PRKN: variants seen among roughly 807,000 people sequenced by gnomAD.
PRKN encodes the protein parkin RBR E3 ubiquitin protein ligase.
PRKN carries 56 observed loss-of-function variants against 59.5 expected under a neutral mutation model. That is an observed-to-expected ratio of 0.94 (90% CI 0.76 to 1.18). The LOEUF (loss-of-function observed/expected upper bound fraction) is 1.18. PRKN is among the 50% of genes most tolerant of loss of function. The pLI, the probability that PRKN is intolerant of heterozygous loss-of-function variation, is 0.00. For missense variants in PRKN, 657 were observed against 596.4 expected, an observed-to-expected ratio of 1.10 and a Z score of -1.06; for synonymous variants, 250 against 222.1, an observed-to-expected ratio of 1.13 and a Z score of -1.12.
At chr6:162,359,079 A>AAAAAAAAAAAAAT (rs57265104) in intron 2 of PRKN, among the ~76,000 whole-genome samples, 1 of 83,274 alleles carries the variant, frequency 1.2e-5, no homozygotes, top group African/African-American at 7.3e-5. Flanking sequence ...AAAAAAAAAA[A>AAAAAAAAAAAAAT]ATATATATAT....
intron 2 of PRKN, among the ~76,000 whole-genome samples, chr6:162,385,772 A>G (rs1341668898): frequency 1.3e-5 from 2 of 152,052 alleles, no homozygotes; most frequent in African/African-American, 4.8e-5. Flanking sequence ...TTTCTTTGGG[A>G]AAATAAAAAT....
chr6:162,075,866 C>T (rs928891551), intron 4 of PRKN, among the ~76,000 whole-genome samples: 6 of 151,962 alleles, frequency 3.9e-5, no homozygotes, highest in African/African-American at 9.7e-5. Flanking sequence ...GTACATTTAT[C>T]CCCATCTTTT....
intron 2 of PRKN, among the ~76,000 whole-genome samples, chr6:162,392,730 G>A (rs1282654363): frequency 1.3e-5 from 2 of 152,100 alleles, no homozygotes; most frequent in East Asian, 1.9e-4. Flanking sequence ...ATGCCATACT[G>A]TAAGCTCCTT....
chr6:162,411,484 A>G (rs2128154838), intron 2 of PRKN, among the ~76,000 whole-genome samples: 1 of 152,312 alleles, frequency 6.6e-6, no homozygotes, highest in Middle Eastern at 3.4e-3. Context: ...GGACTGTAAT[A>G]CTGTTGGAGA....
At position 162,509,829 on chromosome 6, in the gene PRKN, C is replaced by T. The variant is rs79170304; in HGVS notation, c.8-66356G>A. On this transcript the variant is annotated intron_variant, in intron 1 of 11. Coordinates refer to ENST00000366898, the MANE Select transcript of PRKN (RefSeq NM_004562.3). The stretch of plus-strand genomic sequence containing the variant: ...TTATTCTGAATTTGAAAGGCAATTC[C>T]CACTCCTGCTGGAAGCTAGCTGAGG... Among the ~76,000 whole-genome samples the T allele has an allele frequency of 5.5e-3, 840 of 152,146 alleles. 7 individuals are homozygous for T. Among genetic ancestry groups the T allele is most frequent in the Non-Finnish European group, 0.01 (695 of 67,996 alleles).
chr6:162,447,322 T>A (rs1306210122), intron 1 of PRKN, among the ~76,000 whole-genome samples: 1 of 152,158 alleles, frequency 6.6e-6, no homozygotes, highest in Non-Finnish European at 1.5e-5. Context: ...GACAGAAAAC[T>A]TCCAGAGACC....
rs1441615725 is a variant in PRKN at position 161,442,066 on chromosome 6, T to A, written c.1084-55189A>T. Among the ~76,000 whole-genome samples, 1 of 152,222 alleles carries A rather than the reference T, an allele frequency of 6.6e-6. No homozygotes were observed. The highest frequency in any genetic ancestry group is 1.5e-5 in the Non-Finnish European group (1 of 68,050). On this transcript the variant is annotated intron_variant, in intron 9 of 11. Transcript: ENST00000366898. This position sits in a 1 kb window ranked among gnomAD's most constrained non-coding sequence, Gnocchi z 4.6. ...GATGAAATACTGTTCAGTGGGCTAA[T>A]GCAGCCACACGAGTGAGTTTTATTT... is the stretch of plus-strand genomic sequence containing the variant.
intron 2 of PRKN, among the ~76,000 whole-genome samples, chr6:162,359,249 G>A (rs1458795563): frequency 6.6e-6 from 1 of 151,746 alleles, no homozygotes; most frequent in Non-Finnish European, 1.5e-5. Context: ...GTGACTGATT[G>A]AATAAATTAA....
At chr6:162,638,848 G>A (rs897484962) in intron 1 of PRKN, among the ~76,000 whole-genome samples, 1 of 146,184 alleles carries the variant, frequency 6.8e-6, no homozygotes, top group Non-Finnish European at 1.5e-5. Flanking sequence ...GGGTTCAAGC[G>A]ATTCTCCTGC....
intron 9 of PRKN, among the ~76,000 whole-genome samples, chr6:161,517,737 C>A (rs1389261440): frequency 2.0e-4 from 1 of 5,076 alleles, no homozygotes; most frequent in African/African-American, 7.1e-4. Flanking sequence ...GAGACTCTAT[C>A]TCAAAAAAAA....
intron 4 of PRKN, among the ~76,000 whole-genome samples, chr6:162,105,613 G>T (rs6921072): frequency 0.79 from 120,211 of 152,092 alleles, 47,852 homozygotes; most frequent in African/African-American, 0.88. Flanking sequence ...TTGGCCAGGC[G>T]GGTCTCAAAC....
intron 2 of PRKN, among the ~76,000 whole-genome samples, chr6:162,325,459 T>G (rs1783227258): frequency 6.6e-6 from 1 of 152,102 alleles, no homozygotes; most frequent in Admixed American, 6.6e-5. Flanking sequence ...TGACCTAACC[T>G]CAAAGGATTG....
At chr6:162,433,999 CTGAG>C (rs1297836142) in intron 2 of PRKN, among the ~76,000 whole-genome samples, 2 of 152,106 alleles carry the variant, frequency 1.3e-5, no homozygotes, top group African/African-American at 4.8e-5. Context: ...TAAATCTTAT[CTGAG>C]TGACACCTCT....
intron 7 of PRKN, among the ~76,000 whole-genome samples, chr6:161,573,792 AT>A (rs2128135953): frequency 1.8e-5 from 2 of 111,088 alleles, no homozygotes; most frequent in African/African-American, 3.5e-5. Flanking sequence ...ATATATATAT[AT>A]ATAAAACTTC....
At chr6:162,420,076 T>A (rs1973884) in intron 2 of PRKN, among the ~76,000 whole-genome samples, 78,068 of 151,658 alleles carry the variant, frequency 0.51, 20,474 homozygotes, top group East Asian at 0.69. Flanking sequence ...TTATTTGTAC[T>A]TTGTAATATA....
intron 1 of PRKN, among the ~76,000 whole-genome samples, chr6:162,567,494 T>C (rs758403730): frequency 6.6e-6 from 1 of 151,908 alleles, no homozygotes; most frequent in Non-Finnish European, 1.5e-5. Flanking sequence ...GTGAAATAAA[T>C]AAAAGAAATT....
At chr6:162,080,756 T>G (rs1779024075) in intron 4 of PRKN, among the ~76,000 whole-genome samples, 1 of 152,064 alleles carries the variant, frequency 6.6e-6, no homozygotes, top group Admixed American at 6.5e-5. Context: ...AAGACAACAA[T>G]GAAGTTTGCC....
chr6:162,353,474 G>A (rs1203463830), intron 2 of PRKN, among the ~76,000 whole-genome samples: 1 of 151,808 alleles, frequency 6.6e-6, no homozygotes, highest in Non-Finnish European at 1.5e-5. Context: ...ATGCTAAAAT[G>A]TTAAATTTTA....
intron 5 of PRKN, among the ~76,000 whole-genome samples, chr6:162,051,807 C>G (rs1204415470): frequency 6.6e-6 from 1 of 152,194 alleles, no homozygotes; most frequent in Non-Finnish European, 1.5e-5. Flanking sequence ...CAAATCCAGA[C>G]TGTCCTGTGC....
Sources: allele counts gnomAD v4.1 joint callset (sites outside exome capture counted in the v4.1 genomes callset), GRCh38; gene constraint gnomAD v4.1.1; non-coding constraint Gnocchi (gnomAD v3.1); transcripts MANE v1.5; gene names NCBI Gene and HGNC (gene_info 2026-07-23, HGNC 2026-07-21).